Variants in TDRD3 observed in about 807,000 individuals in gnomAD.
TDRD3 encodes the protein tudor domain containing 3, also known as tudor domain-containing protein 3.
Under a neutral mutation model 86.7 loss-of-function variants are expected in TDRD3, and 45 were observed. The observed-to-expected ratio is 0.52, with a 90% CI of 0.41 to 0.67. The LOEUF (loss-of-function observed/expected upper bound fraction) is 0.67, where lower values mean the gene tolerates loss of function less well. TDRD3 is among the 30% of genes least tolerant of loss of function. The pLI, the probability that TDRD3 is intolerant of heterozygous loss-of-function variation, is 0.00. For missense variants in TDRD3, 814 were observed against 889.0 expected (o/e 0.92, Z 1.07); for synonymous variants, 298 against 301.7 (o/e 0.99, Z 0.13).
chr13:60,510,580 CTTTTTG>C (rs1335678230), intron 9 of TDRD3, 44 bp from the exon 10 acceptor site: 1 of 1,460,712 alleles, frequency 6.8e-7, no homozygotes, highest in Non-Finnish European at 9.1e-7. Flanking sequence ...TATATATTCT[CTTTTTG>C]TTTTTGCATA....
intron 10 of TDRD3, among the ~76,000 whole-genome samples, chr13:60,517,415 A>T (rs894176411): frequency 5.3e-5 from 8 of 152,188 alleles, no homozygotes; most frequent in African/African-American, 1.9e-4. Flanking sequence ...ATTGACTATT[A>T]TGTATATTTA....
At chr13:60,445,756 A>G (rs1955383028) in intron 3 of TDRD3, among the ~76,000 whole-genome samples, 1 of 152,210 alleles carries the variant, frequency 6.6e-6, no homozygotes, top group Non-Finnish European at 1.5e-5. Context: ...ACAAATCTCT[A>G]TAGGAAAAGT....
intron 10 of TDRD3, among the ~76,000 whole-genome samples, chr13:60,517,453 A>G (rs1264860255): frequency 6.6e-6 from 1 of 152,224 alleles, no homozygotes; most frequent in African/African-American, 2.4e-5. Flanking sequence ...CAGCATTACT[A>G]CATATTGATG....
chr13:60,401,526 T>G (rs1403893886), intron 1 of TDRD3, among the ~76,000 whole-genome samples: 1 of 152,214 alleles, frequency 6.6e-6, no homozygotes, highest in African/African-American at 2.4e-5. Context: ...CTGTATTGTG[T>G]GTCTTTGCTT....
At chr13:60,542,410 A>G (rs1957837962) in intron 12 of TDRD3, among the ~76,000 whole-genome samples, 1 of 152,176 alleles carries the variant, frequency 6.6e-6, no homozygotes, top group Admixed American at 6.5e-5. Flanking sequence ...TATTTTAAAA[A>G]TTTTGTACAA....
intron 5 of TDRD3, among the ~76,000 whole-genome samples, chr13:60,469,918 T>C (rs1006738484): frequency 4.6e-5 from 7 of 152,230 alleles, no homozygotes; most frequent in Non-Finnish European, 1.0e-4. Flanking sequence ...AACCATTTTT[T>C]AAATGTAAAT....
chr13:60,567,691 A>G, intron 13 of TDRD3, 41 bp downstream of exon 13: 1 of 1,601,362 alleles, frequency 6.2e-7, no homozygotes, highest in South Asian at 1.1e-5. Flanking sequence ...ATAAAGAAAG[A>G]TGAAATTCAT....
intron 12 of TDRD3, chr13:60,536,006 A>G (rs1957690697): frequency 6.6e-6 from 1 of 152,162 alleles, no homozygotes; most frequent in South Asian, 2.1e-4. Context: ...CAATATCAAC[A>G]AATATGTTGG....
chr13:60,532,773 C>T (rs1957615079), intron 11 of TDRD3, among the ~76,000 whole-genome samples: 1 of 152,106 alleles, frequency 6.6e-6, no homozygotes, highest in African/African-American at 2.4e-5. Context: ...TTACAACAAC[C>T]TCCATATTAG....
chr13:60,573,659 G>GA lies in TDRD3; in HGVS notation c.*56dup. 1.0e-6 allele frequency: 1 copy of GA among 985,254 alleles called. No individual in the cohort carries two copies. The highest frequency in any genetic ancestry group is 1.2e-6 in the Non-Finnish European group (1 of 829,764). The allele number at this position is 985,254 out of a possible 1,614,324, so 61.0% of individuals were successfully genotyped here. The stretch of plus-strand genomic sequence containing the variant: ...AGCCAGTGACTGAAACACCCTGGTG[G>GA]AAACCTGTTGACAGACCTTCCACTT... On this transcript the variant is annotated 3_prime_UTR_variant, in exon 14 of 14. Coordinates refer to ENST00000377881, the MANE Select transcript of TDRD3 (RefSeq NM_001146070.2).
chr13:60,409,866 T>C (rs999571777), intron 1 of TDRD3, among the ~76,000 whole-genome samples: 9 of 152,102 alleles, frequency 5.9e-5, no homozygotes, highest in Non-Finnish European at 1.3e-4. Flanking sequence ...GCATGAGATT[T>C]GGAGGGGCCA....
chr13:60,458,123 G>A (rs766960725), intron 3 of TDRD3, among the ~76,000 whole-genome samples: 3 of 152,078 alleles, frequency 2.0e-5, no homozygotes, highest in Non-Finnish European at 4.4e-5. Context: ...CTTGGAAATC[G>A]GCATTTGGGG....
chr13:60,529,666 A>G (rs1380120309), intron 11 of TDRD3, among the ~76,000 whole-genome samples: 1 of 152,042 alleles, frequency 6.6e-6, no homozygotes, highest in Middle Eastern at 3.2e-3. Flanking sequence ...AAGTTAACAT[A>G]TAAGTTAATT....
intron 10 of TDRD3, among the ~76,000 whole-genome samples, chr13:60,519,326 G>A (rs202127102): frequency 1.5e-4 from 23 of 152,036 alleles, no homozygotes; most frequent in Middle Eastern, 3.4e-3. Flanking sequence ...TATTATTTCC[G>A]TTTGACAGAT....
At chr13:60,544,000 A>T (rs1193092409) in intron 12 of TDRD3, among the ~76,000 whole-genome samples, 1 of 150,830 alleles carries the variant, frequency 6.6e-6, no homozygotes, top group African/African-American at 2.4e-5. Context: ...CTTATAACCT[A>T]CATGAAGTTT....
intron 4 of TDRD3, among the ~76,000 whole-genome samples, chr13:60,463,447 C>T (rs1344570397): frequency 6.7e-6 from 1 of 149,854 alleles, no homozygotes; most frequent in East Asian, 2.0e-4. Flanking sequence ...AGACATTGGT[C>T]TGGGCAAAAA....
Position 60,530,447 on chromosome 13 carries a change from A to AT in TDRD3, c.1992+1240dup, listed in dbSNP as rs143824554. On this transcript the variant is annotated intron_variant, in intron 11 of 13. Transcript: ENST00000377881. Reference sequence around the variant, plus strand: ...CAAAAGAGGAAAAATATTTTAAATAATTTTTTTTTTGAGACGGAGTTTCAC... The same window carrying AT: ...CAAAAGAGGAAAAATATTTTAAATAATTTTTTTTTTTGAGACGGAGTTTCAC... Among the ~76,000 whole-genome samples the AT allele has an allele frequency of 1.2e-4, 18 of 149,902 alleles. 1 individual carries two copies. The highest frequency in any genetic ancestry group is 2.7e-4 in the Admixed American group (4 of 14,998).
Position 60,496,288 on chromosome 13 carries a change from CATATAT to C in TDRD3, c.858+1764_858+1769del, listed in dbSNP as rs56211733. On this transcript the variant is annotated intron_variant, in intron 8 of 13. Transcript: ENST00000377881. ...TGTGAGTTAATACTTAACAAACTCC[CATATAT>C]ATATATATATATATATATATATATA... is the stretch of plus-strand genomic sequence containing the variant. Among the ~76,000 whole-genome samples the C allele has an allele frequency of 6.6e-3, 403 of 60,964 alleles. 4 individuals are homozygous for C. Among genetic ancestry groups the C allele is most frequent in the Middle Eastern group, 9.3e-3 (1 of 108 alleles). 40.0% of individuals were successfully genotyped at this position (60,964 alleles called of 152,430 possible). A position where few individuals can be genotyped will look rare whatever the true frequency, so the allele number is the denominator to read the frequency against.
At chr13:60,536,657 AT>A (rs1957702912) in intron 12 of TDRD3, 1 of 152,078 alleles carries the variant, frequency 6.6e-6, no homozygotes, top group South Asian at 2.1e-4. Context: ...TGAAAATACA[AT>A]TCTTATGTTA....
Sources: gnomAD v4.1 joint callset for allele counts (sites outside exome capture counted in the v4.1 genomes callset) on GRCh38, gnomAD v4.1.1 for gene constraint, MANE v1.5 for transcripts, NCBI Gene and HGNC (gene_info 2026-07-23, HGNC 2026-07-21) for gene names.